PRRC2B: variants seen among roughly 807,000 people sequenced by gnomAD.
The protein encoded by PRRC2B is protein PRRC2B.
A neutral mutation model predicts 242.3 loss-of-function variants in PRRC2B; 68 were observed. That is an observed-to-expected ratio of 0.28 (90% CI 0.23 to 0.34). The LOEUF is 0.34. PRRC2B is among the 10% of genes least tolerant of loss of function. The probability of loss-of-function intolerance (pLI) is 1.00; values close to 1 mark genes in which losing one functional copy is unlikely to be tolerated. For missense variants in PRRC2B, 2,835 were observed against 2,954.8 expected (o/e 0.96, Z 0.94); for synonymous variants, 1,228 against 1,173.6 (o/e 1.05, Z -0.95).
At chr9:131,438,668 A>G (rs982689688) in intron 4 of PRRC2B, among the ~76,000 whole-genome samples, 3 of 152,214 alleles carry the variant, frequency 2.0e-5, no homozygotes, top group African/African-American at 7.2e-5. Flanking sequence ...GGGAGGTTCC[A>G]GAGCACCGAA....
chr9:131,489,186 T>C (rs1485414747), intron 28 of PRRC2B, among the ~76,000 whole-genome samples: 2 of 144,086 alleles, frequency 1.4e-5, no homozygotes, highest in Non-Finnish European at 3.0e-5. Flanking sequence ...CCAAAATTCT[T>C]TTTTTTTTTT....
At chr9:131,464,705 G>T in intron 11 of PRRC2B, 58 bp from the exon 12 acceptor site, 1 of 1,460,462 alleles carries the variant, frequency 6.8e-7, no homozygotes, top group South Asian at 1.4e-5. Flanking sequence ...AGTGGGAGTG[G>T]TTCCTGTATC....
chr9:131,427,009 C>T (rs1250545814), intron 1 of PRRC2B, among the ~76,000 whole-genome samples: 3 of 152,216 alleles, frequency 2.0e-5, no homozygotes, highest in Admixed American at 1.3e-4. Context: ...GGAGAATTTC[C>T]TTGAAGAAGG....
chr9:131,491,288 T>C (rs1944186451), intron 28 of PRRC2B, 137 bp from the exon 29 acceptor site: 5 of 869,700 alleles, frequency 5.7e-6, no homozygotes, highest in East Asian at 2.9e-5. Flanking sequence ...AATTAGAGCA[T>C]GTCCTGCTTT....
rs531049909 is a variant in PRRC2B at position 131,445,685 on chromosome 9, T to G, written c.614-716T>G. Among the ~76,000 whole-genome samples the G allele has an allele frequency of 3.2e-4, 49 of 152,312 alleles. 3 individuals are homozygous for G. The East Asian group carries it at 6.9e-3, about 22-fold the overall frequency. On this transcript the variant is annotated intron_variant, in intron 6 of 31. Coordinates refer to ENST00000683519, the MANE Select transcript of PRRC2B (RefSeq NM_013318.4). ...GGGATCAGACATGTCCTGGGTCTCT[T>G]TCCCTTAAGGGTCGTGTAACTCAGA... is the stretch of plus-strand genomic sequence containing the variant.
At chr9:131,463,832 C>T (rs1416117983) in intron 11 of PRRC2B, among the ~76,000 whole-genome samples, 1 of 151,786 alleles carries the variant, frequency 6.6e-6, no homozygotes, top group Non-Finnish European at 1.5e-5. Flanking sequence ...GGGGTCTCAC[C>T]ATATTGCCCA....
chr9:131,462,836 T>TAAA (rs553444971), intron 11 of PRRC2B, among the ~76,000 whole-genome samples: 1,345 of 81,918 alleles, frequency 0.016, 82 homozygotes, highest in African/African-American at 0.057. Context: ...AGACTCCGTC[T>TAAA]AAAAAAAAAA....
chr9:131,387,557 G>A (rs1183846391), intron 1 of PRRC2B, among the ~76,000 whole-genome samples: 1 of 150,262 alleles, frequency 6.7e-6, no homozygotes, highest in Non-Finnish European at 1.5e-5. Context: ...GCCTTAGACC[G>A]ATATCTCCCT....
intron 9 of PRRC2B, among the ~76,000 whole-genome samples, chr9:131,450,304 A>G (rs568047259): frequency 2.8e-4 from 41 of 147,374 alleles, no homozygotes; most frequent in African/African-American, 9.6e-4. Flanking sequence ...GTCTTGCTCT[A>G]TTGCCCAGGC....
rs78418077 is a variant in PRRC2B, at chr9:131,444,941, G to A, written c.613+613G>A. 9.4e-3 allele frequency among the ~76,000 whole-genome samples: 1,426 copies of A among 152,268 alleles called. 29 individuals carry two copies. Among genetic ancestry groups the A allele is most frequent in the African/African-American group, 0.032 (1,343 of 41,552 alleles). On this transcript the variant is annotated intron_variant, in intron 6 of 31. Coordinates refer to ENST00000683519, the MANE Select transcript of PRRC2B (RefSeq NM_013318.4). ...GGTGTTTAGGAATGTGATTTTCCACGTGTTCTACTCAGGGATTTTGAAGTG... is the reference window on the plus strand; with the variant it reads ...GGTGTTTAGGAATGTGATTTTCCACATGTTCTACTCAGGGATTTTGAAGTG...
At position 131,447,647 on chromosome 9, in the gene PRRC2B, C is replaced by G; in HGVS notation, c.978-15C>G. ...TGTATACTGGACATGATTCCATCAT[C>G]TTTTCTTTTATCAGAAAAGAAAACA... is the stretch of plus-strand genomic sequence containing the variant. On this transcript the variant is annotated splice_polypyrimidine_tract_variant and intron_variant, in intron 8 of 31. Transcript: ENST00000683519. 3 of 1,575,102 alleles carry G rather than the reference C, an allele frequency of 1.9e-6. No individual in the cohort carries two copies.
chr9:131,421,050 A>G (rs368374665), intron 1 of PRRC2B, among the ~76,000 whole-genome samples: 24 of 152,190 alleles, frequency 1.6e-4, no homozygotes, highest in Middle Eastern at 3.4e-3. Flanking sequence ...TCTTTTATGT[A>G]TTGTCTGGGG....
At chr9:131,473,805 C>A in intron 15 of PRRC2B, 81 bp downstream of exon 15, 1 of 1,105,806 alleles carries the variant, frequency 9.0e-7, no homozygotes, top group Non-Finnish European at 1.3e-6. Context: ...GGATGAGCTA[C>A]CATCCTAGGA....
In PRRC2B at chr9:131,494,305, A is replaced by G; in HGVS notation, c.6474-100A>G. On this transcript the variant is annotated intron_variant, in intron 30 of 31. Coordinates refer to ENST00000683519, the MANE Select transcript of PRRC2B (RefSeq NM_013318.4). The surrounding 1 kb of genome is among the most constrained non-coding windows in gnomAD (Gnocchi z 4.3). ...GTCCCGAGTGAGCGCCTCTGGCCGCAGGCCCTTCCTTCCTTGTGCCTCCTC... is the reference window on the plus strand; with the variant it reads ...GTCCCGAGTGAGCGCCTCTGGCCGCGGGCCCTTCCTTCCTTGTGCCTCCTC... The G allele has an allele frequency of 1.5e-6, 1 of 665,376 alleles. No homozygotes were observed. Among genetic ancestry groups the G allele is most frequent in the Non-Finnish European group, 2.7e-6 (1 of 375,512 alleles). The allele number at this position is 665,376 out of a possible 1,614,324, so 41.2% of individuals were successfully genotyped here.
intron 29 of PRRC2B, 53 bp downstream of exon 29, chr9:131,491,633 A>C: frequency 2.0e-6 from 3 of 1,502,488 alleles, no homozygotes; most frequent in Non-Finnish European, 2.7e-6. Context: ...TGTGTCACCA[A>C]CTTTTTCTAG....
rs74614874 is a variant in PRRC2B at position 131,408,526 on chromosome 9, C to G, written c.-52+14263C>G. The stretch of plus-strand genomic sequence containing the variant: ...ATTTTTAAGTCTGAACTAAACAGAA[C>G]TTATGTATATTTTTAGAAAGATGAC... On this transcript the variant is annotated intron_variant, in intron 1 of 31. Coordinates refer to ENST00000683519, the MANE Select transcript of PRRC2B (RefSeq NM_013318.4). Among the ~76,000 whole-genome samples the G allele has an allele frequency of 5.7e-3, 865 of 152,218 alleles. 13 individuals are homozygous for G. The highest frequency in any genetic ancestry group is 0.02 in the African/African-American group (814 of 41,522).
Position 131,446,428 on chromosome 9 carries a change from G to A in PRRC2B, c.641G>A (p.Gly214Glu), listed in dbSNP as rs761020994. Residue 214 changes from glycine (G) to glutamate (E), a missense_variant, in exon 7 of 32, where the codon GGG (glycine) becomes GAG (glutamate). Coordinates refer to ENST00000683519, the MANE Select transcript of PRRC2B (RefSeq NM_013318.4). The surrounding 1 kb of genome is among the most constrained non-coding windows in gnomAD (Gnocchi z 4.1). Reference sequence around the variant, plus strand: ...GTGACAAGCTGGAGGGAGGGCGGTGGGCGACACATAATTTCTGCCACGTCT... The same window carrying A: ...GTGACAAGCTGGAGGGAGGGCGGTGAGCGACACATAATTTCTGCCACGTCT... ...QNVTSWREGG[G>E]RHIISATSLS... The A allele has an allele frequency of 6.2e-7, 1 of 1,613,744 alleles. No homozygotes were observed. The highest frequency in any genetic ancestry group is 1.7e-5 in the Admixed American group (1 of 60,000).
intron 5 of PRRC2B, 78 bp downstream of exon 5, chr9:131,439,139 G>C: frequency 4.8e-6 from 6 of 1,255,856 alleles, no homozygotes; most frequent in Non-Finnish European, 6.9e-6. Context: ...TGTCTGGTTG[G>C]GTCTAGGCAC....
At chr9:131,466,764 C>T (rs1009658214) in intron 12 of PRRC2B, among the ~76,000 whole-genome samples, 1 of 151,632 alleles carries the variant, frequency 6.6e-6, no homozygotes, top group Non-Finnish European at 1.5e-5. Context: ...GGATTACAGG[C>T]GAGCGCCACC....
Sources: allele counts gnomAD v4.1 joint callset (sites outside exome capture counted in the v4.1 genomes callset), GRCh38; gene constraint gnomAD v4.1.1; non-coding constraint Gnocchi (gnomAD v3.1); transcripts MANE v1.5; gene names NCBI Gene and HGNC (gene_info 2026-07-23, HGNC 2026-07-21).